NLGN4Y: variants seen among roughly 807,000 people sequenced by gnomAD.
NLGN4Y encodes neuroligin 4 Y-linked, also known as neuroligin-4, Y-linked.
NLGN4Y carries 4 observed loss-of-function variants against 8.4 expected under a neutral mutation model. That is an observed-to-expected ratio of 0.48 (90% CI 0.23 to 1.09). The LOEUF (loss-of-function observed/expected upper bound fraction) is 1.09, where lower values mean the gene tolerates loss of function less well. Among genes scored for constraint, NLGN4Y ranks in the 50% least tolerant of loss-of-function variants. The pLI is 0.19. For missense variants in NLGN4Y, 90 were observed against 192.3 expected (o/e 0.47, Z 3.15); for synonymous variants, 35 against 75.6 (o/e 0.46, Z 2.78).
At chrY:14,585,139 T>A in intron 1 of NLGN4Y, among the ~76,000 whole-genome samples, 1 of 33,432 alleles carries the variant, frequency 3.0e-5, no homozygotes, top group Non-Finnish European at 7.4e-5. Flanking sequence ...ATACTAAATT[T>A]CAGTGCACGG....
At chrY:14,809,601 G>C in intron 4 of NLGN4Y, among the ~76,000 whole-genome samples, 1 of 29,781 alleles carries the variant, frequency 3.4e-5, no homozygotes, top group Non-Finnish European at 8.0e-5. Flanking sequence ...AGGCTGGAGT[G>C]CAGTCACATG....
intron 2 of NLGN4Y, among the ~76,000 whole-genome samples, chrY:14,667,776 A>G (rs1032717686): frequency 2.9e-5 from 1 of 34,173 alleles, no homozygotes; most frequent in African/African-American, 1.1e-4. Context: ...CTTTGATACA[A>G]AGACACAATG....
chrY:14,698,546 A>G, intron 2 of NLGN4Y, among the ~76,000 whole-genome samples: 1 of 32,844 alleles, frequency 3.0e-5, no homozygotes, highest in Non-Finnish European at 7.5e-5. Context: ...CTTGTTGCCT[A>G]CAAGTGGCTA....
At chrY:14,553,566 CTGTGTGTGTGTGTGTG>C (rs557062506) in intron 1 of NLGN4Y, among the ~76,000 whole-genome samples, 1 of 21,734 alleles carries the variant, frequency 4.6e-5, no homozygotes, top group African/African-American at 1.7e-4. Flanking sequence ...GGTACCAAAA[CTGTGTGTGTGTGTGTG>C]TGTGTGTGTG....
chrY:14,810,618 C>T (rs2043074645), intron 4 of NLGN4Y, among the ~76,000 whole-genome samples: 1 of 32,524 alleles, frequency 3.1e-5, no homozygotes, highest in African/African-American at 1.2e-4. Flanking sequence ...ACTCATATAT[C>T]AATTATCTTC....
rs2080577671 is a variant in NLGN4Y at position 14,638,805 on chromosome Y, G to C, written c.472+16214G>C. ...GTTAGATCTGTGTTTTAAAAACTTTGACAGACCACATTATTGGTAATAGTT... is the reference window on the plus strand; with the variant it reads ...GTTAGATCTGTGTTTTAAAAACTTTCACAGACCACATTATTGGTAATAGTT... On this transcript the variant is annotated intron_variant, in intron 2 of 6. Transcript: ENST00000684976. Among the ~76,000 whole-genome samples the C allele has an allele frequency of 8.9e-5, 3 of 33,683 alleles. No homozygotes were observed. The South Asian group carries it at 2.0e-3, about 22-fold the overall frequency. 90.4% of individuals were successfully genotyped at this position (33,683 alleles called of 37,273 possible).
At chrY:14,655,215 C>CT (rs2080645110) in intron 2 of NLGN4Y, among the ~76,000 whole-genome samples, 2 of 30,255 alleles carry the variant, frequency 6.6e-5, no homozygotes, top group Non-Finnish European at 1.6e-4. Flanking sequence ...TTTAGTTTTG[C>CT]TTTTTTCTGT....
chrY:14,702,432 G>C (rs2080854984), intron 2 of NLGN4Y, among the ~76,000 whole-genome samples: 1 of 31,794 alleles, frequency 3.1e-5, no homozygotes, highest in Non-Finnish European at 7.6e-5. Flanking sequence ...TTGTCCTTGC[G>C]ATAGTTTGCT....
intron 1 of NLGN4Y, among the ~76,000 whole-genome samples, chrY:14,595,876 C>T: frequency 3.0e-5 from 1 of 33,089 alleles, no homozygotes; most frequent in Non-Finnish European, 7.5e-5. Flanking sequence ...TCCTTACTGA[C>T]GCAATGTTGA....
intron 4 of NLGN4Y, among the ~76,000 whole-genome samples, chrY:14,770,856 A>G: frequency 4.2e-4 from 14 of 33,643 alleles, no homozygotes; most frequent in Admixed American, 3.8e-3. Flanking sequence ...AGAGAAGACC[A>G]TAAAAGACCT....
intron 4 of NLGN4Y, among the ~76,000 whole-genome samples, chrY:14,797,298 CT>C (rs2043015538): frequency 2.1e-4 from 5 of 23,660 alleles, no homozygotes; most frequent in Admixed American, 3.9e-4. Flanking sequence ...TTTTTCTTTT[CT>C]TTTTTTTTTT....
intron 2 of NLGN4Y, among the ~76,000 whole-genome samples, chrY:14,661,531 T>G: frequency 1.5e-4 from 5 of 32,929 alleles, no homozygotes; most frequent in African/African-American, 2.4e-4. Context: ...AAAAATTGTA[T>G]TGGCCACAGA....
intron 1 of NLGN4Y, among the ~76,000 whole-genome samples, chrY:14,556,464 A>T (rs2080211092): frequency 6.0e-5 from 2 of 33,122 alleles, no homozygotes; most frequent in African/African-American, 2.4e-4. Flanking sequence ...GTGCTGTGGT[A>T]ACAAGTTACT....
upstream of NLGN4Y, among the ~76,000 whole-genome samples, chrY:14,523,145 T>C (rs756030085): frequency 9.2e-5 from 3 of 32,496 alleles, no homozygotes; most frequent in East Asian, 2.4e-3. Context: ...CTCTCTCCCA[T>C]CTGTCTCGCT....
At chrY:14,746,289 T>G (rs2081023929) in intron 4 of NLGN4Y, among the ~76,000 whole-genome samples, 1 of 33,511 alleles carries the variant, frequency 3.0e-5, no homozygotes, top group African/African-American at 1.2e-4. Flanking sequence ...CTGGACCTAT[T>G]CTTTGACCCT....
intron 4 of NLGN4Y, among the ~76,000 whole-genome samples, chrY:14,794,686 G>T (rs2042999949): frequency 3.0e-5 from 1 of 33,021 alleles, no homozygotes; most frequent in South Asian, 6.8e-4. Context: ...TAGATTTACT[G>T]GACTATATTT....
intron 2 of NLGN4Y, among the ~76,000 whole-genome samples, chrY:14,661,194 C>T (rs918515980): frequency 2.4e-4 from 8 of 33,710 alleles, no homozygotes; most frequent in Non-Finnish European, 2.9e-4. Flanking sequence ...TTTGCAGCAA[C>T]GTGCATGTGG....
chrY:14,715,725 A>G (rs2080913293), intron 2 of NLGN4Y, among the ~76,000 whole-genome samples: 1 of 32,988 alleles, frequency 3.0e-5, no homozygotes, highest in African/African-American at 1.2e-4. Flanking sequence ...TGGCACATGT[A>G]TACCTATGTA....
chrY:14,531,905 C>T (rs2080116457), intron 1 of NLGN4Y, among the ~76,000 whole-genome samples: 1 of 31,029 alleles, frequency 3.2e-5, no homozygotes, highest in Non-Finnish European at 7.7e-5. Context: ...CATGCATTTT[C>T]CAAAAGAAAC....
Sources: allele counts gnomAD v4.1 joint callset (sites outside exome capture counted in the v4.1 genomes callset), GRCh38; gene constraint gnomAD v4.1.1; transcripts MANE v1.5; gene names NCBI Gene and HGNC (gene_info 2026-07-23, HGNC 2026-07-21).